Variants in AGAP1 observed in about 807,000 individuals in gnomAD.
AGAP1 encodes the protein arf-GAP with GTPase, ANK repeat and PH domain-containing protein 1.
AGAP1 carries 29 observed loss-of-function variants against 105.3 expected under a neutral mutation model. The ratio of observed to expected loss-of-function variants is 0.28; its 90% confidence interval spans 0.21 to 0.38. AGAP1 has a LOEUF of 0.38. AGAP1 is among the 10% of genes least tolerant of loss of function. AGAP1 has a pLI of 1.00. For synonymous variants in AGAP1, 509 were observed against 485.9 expected (o/e 1.05, Z -0.63); for missense variants, 998 against 1,165.1 (o/e 0.86, Z 2.09).
chr2:235,772,541 C>T (rs1955540718), intron 6 of AGAP1, among the ~76,000 whole-genome samples: 1 of 152,224 alleles, frequency 6.6e-6, no homozygotes, highest in Non-Finnish European at 1.5e-5. Flanking sequence ...TGGGCTGGAC[C>T]ACAGAGTCCT....
chr2:235,677,419 A>G (rs1282324882), intron 1 of AGAP1, among the ~76,000 whole-genome samples: 2 of 152,160 alleles, frequency 1.3e-5, no homozygotes, highest in African/African-American at 4.8e-5. Context: ...GATAATTTTT[A>G]TGAGGTGCAT....
intron 9 of AGAP1, among the ~76,000 whole-genome samples, chr2:235,840,724 G>A (rs943360605): frequency 9.9e-5 from 15 of 152,136 alleles, no homozygotes; most frequent in East Asian, 3.9e-4. Flanking sequence ...AGATAGGACC[G>A]ATGGACAGGT....
Position 235,754,676 on chromosome 2 carries a change from G to A in AGAP1, c.673+4188G>A, listed in dbSNP as rs1269540859. Among the ~76,000 whole-genome samples the A allele has an allele frequency of 1.3e-5, 2 of 152,232 alleles. No individual in the cohort carries two copies. The highest frequency in any genetic ancestry group is 4.8e-5 in the African/African-American group (2 of 41,468). Reference sequence around the variant, plus strand: ...GTTTCCAGATGGCTACTGGCAAGTGGCTGTAGGTGTTGGGAAGCAGCCTAG... The same window carrying A: ...GTTTCCAGATGGCTACTGGCAAGTGACTGTAGGTGTTGGGAAGCAGCCTAG... On this transcript the variant is annotated intron_variant, in intron 6 of 17. Transcript: ENST00000304032. The surrounding 1 kb of genome is among the most constrained non-coding windows in gnomAD (Gnocchi z 4.6).
chr2:236,120,550 A>G lies in AGAP1; in HGVS notation c.2370+103A>G. 1.9e-6 allele frequency: 3 copies of G among 1,545,420 alleles called. No individual in the cohort carries two copies. The highest frequency in any genetic ancestry group is 2.6e-6 in the Non-Finnish European group (3 of 1,149,484). On this transcript the variant is annotated intron_variant, in intron 17 of 17. Coordinates refer to ENST00000304032, the MANE Select transcript of AGAP1 (RefSeq NM_001037131.3). This position sits in a 1 kb window ranked among gnomAD's most constrained non-coding sequence, Gnocchi z 6.0. The stretch of plus-strand genomic sequence containing the variant: ...TTCTGGCAGAAGGCTGTTGTTCTCG[A>G]TCTGCAAGTGGAAACAGTTCCTAAT...
At chr2:236,074,747 G>A (rs1475816648) in intron 16 of AGAP1, among the ~76,000 whole-genome samples, 2 of 152,100 alleles carry the variant, frequency 1.3e-5, no homozygotes, top group African/African-American at 2.4e-5. Context: ...TTAACATAAA[G>A]GTTGAGTTCT....
intron 1 of AGAP1, among the ~76,000 whole-genome samples, chr2:235,580,904 C>T (rs1272943244): frequency 1.3e-5 from 2 of 152,052 alleles, no homozygotes; most frequent in East Asian, 1.9e-4. Context: ...TGGCCCTGCT[C>T]CTTGTATGGT....
chr2:236,073,078 T>C lies in AGAP1; in HGVS notation c.2114+23797T>C, dbSNP rs189349326. On this transcript the variant is annotated intron_variant, in intron 16 of 17. Transcript: ENST00000304032. The surrounding 1 kb of genome is among the most constrained non-coding windows in gnomAD (Gnocchi z 5.4). Reference sequence around the variant, plus strand: ...TGGTGCAATCTCAGCTCACTGCAACTTCCGCCTCCCAGATTCGAGCGATTC... The same window carrying C: ...TGGTGCAATCTCAGCTCACTGCAACCTCCGCCTCCCAGATTCGAGCGATTC... Among the ~76,000 whole-genome samples the C allele has an allele frequency of 2.1e-3, 315 of 152,054 alleles. 1 individual carries two copies. The highest frequency in any genetic ancestry group is 6.9e-3 in the African/African-American group (286 of 41,512).
At chr2:235,529,355 T>G (rs375010291) in intron 1 of AGAP1, among the ~76,000 whole-genome samples, 10 of 152,354 alleles carry the variant, frequency 6.6e-5, no homozygotes, top group African/African-American at 2.4e-4. Context: ...TGACCTCTTA[T>G]AATAATTTAC....
Position 235,577,230 on chromosome 2 carries a change from C to G in AGAP1, c.163+82381C>G, listed in dbSNP as rs1037700943. On this transcript the variant is annotated intron_variant, in intron 1 of 17. Transcript: ENST00000304032. The surrounding 1 kb of genome is among the most constrained non-coding windows in gnomAD (Gnocchi z 4.5). The stretch of plus-strand genomic sequence containing the variant: ...AATCCAACATATCCAAAATATTATC[C>G]TTTCATTGCAATTATCTGGAATTTG... Among the ~76,000 whole-genome samples, 3 of 152,108 alleles carry G rather than the reference C, an allele frequency of 2.0e-5. No homozygotes were observed. The highest frequency in any genetic ancestry group is 4.8e-5 in the African/African-American group (2 of 41,422).
intron 12 of AGAP1, among the ~76,000 whole-genome samples, chr2:235,947,650 T>G (rs1267162456): frequency 6.6e-6 from 1 of 152,186 alleles, no homozygotes; most frequent in Admixed American, 6.5e-5. Flanking sequence ...GACCAGAATT[T>G]AAGCTTCCTA....
At chr2:235,697,443 G>A (rs998282340) in intron 1 of AGAP1, among the ~76,000 whole-genome samples, 6 of 152,140 alleles carry the variant, frequency 3.9e-5, no homozygotes, top group Non-Finnish European at 8.8e-5. Flanking sequence ...TGCAATCCCC[G>A]ATGAAGCAAT....
chr2:235,527,657 G>A (rs1942891874), intron 1 of AGAP1, among the ~76,000 whole-genome samples: 1 of 152,158 alleles, frequency 6.6e-6, no homozygotes, highest in Admixed American at 6.5e-5. Flanking sequence ...CGAAGTGCTG[G>A]AATTACCGTA....
In AGAP1 at chr2:235,963,279, G is replaced by A. The variant is rs2054262486; in HGVS notation, c.1484-5183G>A. ...AAAAAGTTTTCTACAGCTAAAAGTGGGAAGGGGCCTAGAAACAGACGTGCC... is the reference window on the plus strand; with the variant it reads ...AAAAAGTTTTCTACAGCTAAAAGTGAGAAGGGGCCTAGAAACAGACGTGCC... On this transcript the variant is annotated intron_variant, in intron 12 of 17. Transcript: ENST00000304032. The surrounding 1 kb of genome is among the most constrained non-coding windows in gnomAD (Gnocchi z 5.1). 6.6e-6 allele frequency among the ~76,000 whole-genome samples: 1 copy of A among 152,276 alleles called. No individual in the cohort carries two copies. Among genetic ancestry groups the A allele is most frequent in the Admixed American group, 6.5e-5 (1 of 15,300 alleles).
rs895814137 is a variant in AGAP1, at chr2:235,725,185, T to C, written c.310+7541T>C. ...AGCTGGCTGTACAGCCACCTGCAAG[T>C]CTTTGTTCCCGGGGTTAGCCTTGCC... On this transcript the variant is annotated intron_variant, in intron 3 of 17. Coordinates refer to ENST00000304032, the MANE Select transcript of AGAP1 (RefSeq NM_001037131.3). The surrounding 1 kb of genome is among the most constrained non-coding windows in gnomAD (Gnocchi z 5.7). Among the ~76,000 whole-genome samples the C allele has an allele frequency of 6.6e-6, 1 of 152,206 alleles. No homozygotes were observed. Among genetic ancestry groups the C allele is most frequent in the Non-Finnish European group, 1.5e-5 (1 of 68,040 alleles).
intron 16 of AGAP1, among the ~76,000 whole-genome samples, chr2:236,052,444 C>A (rs113829294): frequency 0.029 from 4,434 of 152,274 alleles, 102 homozygotes; most frequent in Non-Finnish European, 0.047. Context: ...CAGCAGGCGC[C>A]CTGGACAGCC....
intron 13 of AGAP1, among the ~76,000 whole-genome samples, chr2:235,991,103 C>T (rs1442742722): frequency 6.6e-6 from 1 of 152,298 alleles, no homozygotes; most frequent in African/African-American, 2.4e-5. Flanking sequence ...GTTAACATCA[C>T]GTGCTATATG....
chr2:236,093,050 A>T lies in AGAP1; in HGVS notation c.2115-27142A>T, dbSNP rs913708494. Among the ~76,000 whole-genome samples, 9 of 152,382 alleles carry T rather than the reference A, an allele frequency of 5.9e-5. No individual in the cohort carries two copies. In the East Asian group the frequency reaches 1.7e-3, roughly 29 times the overall value. On this transcript the variant is annotated intron_variant, in intron 16 of 17. Transcript: ENST00000304032. ...AAACATGGGTCCACGACGATACTCC[A>T]GAAAGGCAGTGGGGGAGAAGCTCTT...
At position 235,750,376 on chromosome 2, in the gene AGAP1, G is replaced by A. The variant is rs776154968; in HGVS notation, c.561G>A (p.Pro187=). The A allele has an allele frequency of 3.3e-5, 54 of 1,614,014 alleles. No individual in the cohort carries two copies. The highest frequency in any genetic ancestry group is 6.6e-5 in the South Asian group (6 of 91,086). The change falls in exon 6 of 18, where the codon CCG becomes CCA. Residue 187 remains proline (P), a synonymous_variant. Transcript: ENST00000304032. The surrounding 1 kb of genome is among the most constrained non-coding windows in gnomAD (Gnocchi z 5.3). ...GTQDAISSAN[P]RVIDDARARK... Reference sequence around the variant, plus strand: ...CAGATGCCATAAGTTCTGCTAACCCGAGGGTCATCGATGACGCCAGGGCGA... The same window carrying A: ...CAGATGCCATAAGTTCTGCTAACCCAAGGGTCATCGATGACGCCAGGGCGA...
chr2:235,910,289 G>GTCACTGAGCTGGTTCCTTCCCCCCACAT (rs1354949212), intron 11 of AGAP1, among the ~76,000 whole-genome samples: 1 of 6,818 alleles, frequency 1.5e-4, no homozygotes, highest in Non-Finnish European at 2.4e-4. Flanking sequence ...CTGTGTTGCA[G>GTCACTGAGCTGGTTCCTTCCCCCCACAT]GGGGGCGGTG....
Sources: gnomAD v4.1 joint callset for allele counts (sites outside exome capture counted in the v4.1 genomes callset) on GRCh38, gnomAD v4.1.1 for gene constraint, Gnocchi (gnomAD v3.1) non-coding constraint, MANE v1.5 for transcripts, NCBI Gene and HGNC (gene_info 2026-07-23, HGNC 2026-07-21) for gene names.